Variants in ZNF292 observed in about 807,000 individuals in gnomAD.
The protein encoded by ZNF292 is zinc finger protein 292.
Under a neutral mutation model 217.9 loss-of-function variants are expected in ZNF292, and 26 were observed. The observed-to-expected ratio is 0.12, with a 90% CI of 0.09 to 0.17. The LOEUF is 0.17. Among genes scored for constraint, ZNF292 ranks in the 10% least tolerant of loss-of-function variants. The pLI is 1.00. For synonymous variants in ZNF292, 1,257 were observed against 1,124.1 expected (o/e 1.12, Z -2.37); for missense variants, 2,904 against 3,175.2 (o/e 0.91, Z 2.05).
intron 4 of ZNF292, among the ~76,000 whole-genome samples, chr6:87,226,868 CG>C (rs1460969245): frequency 6.6e-6 from 1 of 151,544 alleles, no homozygotes; most frequent in Admixed American, 6.6e-5. Flanking sequence ...TTAGTGGAGA[CG>C]GGGTTTCACT....
chr6:87,260,642 A>T lies in ZNF292; in HGVS notation c.7013A>T (p.Lys2338Ile), dbSNP rs749373455. The change falls in exon 8 of 8, where the codon AAA (lysine) becomes ATA (isoleucine). Residue 2338 changes from lysine to isoleucine, a missense_variant. By Grantham distance (102) the Lys-to-Ile change is moderately radical. Around this residue, in one of 15 missense-constraint regions of ZNF292, gnomAD observed 101 missense variants for 89.5 expected, o/e 1.13. Coordinates refer to ENST00000369577, the MANE Select transcript of ZNF292 (RefSeq NM_015021.3). ...ATGCCCAAGACCAAACGAAAGAAAA[A>T]AAATAATTTAGAAAACAAGAATGCA... Reference protein sequence around the residue: ...IKMPKTKRKKKNNLENKNAKI... With the variant: ...IKMPKTKRKKINNLENKNAKI... 2 of 1,612,560 alleles carry T rather than the reference A, an allele frequency of 1.2e-6. No individual in the cohort carries two copies. The highest frequency in any genetic ancestry group is 1.7e-6 in the Non-Finnish European group (2 of 1,179,472).
chr6:87,230,547 C>T (rs959539218), intron 4 of ZNF292, among the ~76,000 whole-genome samples: 11 of 152,130 alleles, frequency 7.2e-5, no homozygotes, highest in Admixed American at 7.2e-4. Flanking sequence ...TCCTGGCGAA[C>T]ACGGTGAAAC....
chr6:87,252,470 T>A (rs181301593), intron 7 of ZNF292, among the ~76,000 whole-genome samples: 1 of 152,310 alleles, frequency 6.6e-6, no homozygotes, highest in East Asian at 1.9e-4. Context: ...AATCCTTTTT[T>A]AAAATTTCTC....
At chr6:87,230,544 G>A (rs1033905802) in intron 4 of ZNF292, among the ~76,000 whole-genome samples, 34 of 151,860 alleles carry the variant, frequency 2.2e-4, no homozygotes, top group African/African-American at 7.3e-4. Context: ...CCATCCTGGC[G>A]AACACGGTGA....
At chr6:87,162,893 A>G (rs959221008) in intron 1 of ZNF292, among the ~76,000 whole-genome samples, 1 of 152,214 alleles carries the variant, frequency 6.6e-6, no homozygotes, top group Non-Finnish European at 1.5e-5. Flanking sequence ...AAATTAACCA[A>G]TCAGTGTGAG....
intron 4 of ZNF292, among the ~76,000 whole-genome samples, chr6:87,220,771 A>G (rs1164747901): frequency 1.3e-5 from 2 of 152,174 alleles, no homozygotes; most frequent in East Asian, 3.9e-4. Context: ...GTGCTGCTTT[A>G]TTTCTTGACC....
At chr6:87,208,722 G>A (rs1244226854) in intron 1 of ZNF292, among the ~76,000 whole-genome samples, 1 of 152,056 alleles carries the variant, frequency 6.6e-6, no homozygotes, top group African/African-American at 2.4e-5. Context: ...CCAAGTTCAT[G>A]TATGACATTT....
intron 4 of ZNF292, among the ~76,000 whole-genome samples, chr6:87,229,985 G>A (rs1026937683): frequency 2.4e-4 from 36 of 152,240 alleles, no homozygotes; most frequent in African/African-American, 8.2e-4. Flanking sequence ...GGTTGGGGGA[G>A]CAATATGGAA....
At chr6:87,203,581 A>G (rs1044243803) in intron 1 of ZNF292, among the ~76,000 whole-genome samples, 1 of 150,660 alleles carries the variant, frequency 6.6e-6, no homozygotes, top group African/African-American at 2.5e-5. Context: ...GGGTCAAAGC[A>G]AGGTATGTAT....
At chr6:87,222,802 C>T (rs1029703754) in intron 4 of ZNF292, 9 of 453,400 alleles carry the variant, frequency 2.0e-5, no homozygotes, top group East Asian at 6.9e-5. Flanking sequence ...TACATTTAGT[C>T]GTCATGTCTT....
chr6:87,190,764 A>G (rs1771799487), intron 1 of ZNF292, among the ~76,000 whole-genome samples: 1 of 152,162 alleles, frequency 6.6e-6, no homozygotes, highest in Admixed American at 6.5e-5. Flanking sequence ...GACTGGAGAA[A>G]AATTTCTCCA....
intron 1 of ZNF292, among the ~76,000 whole-genome samples, chr6:87,214,342 C>T (rs1772634982): frequency 1.3e-5 from 2 of 152,056 alleles, no homozygotes; most frequent in South Asian, 2.1e-4. Flanking sequence ...ATAGCTTTAC[C>T]TTTGGGTTTC....
At chr6:87,215,305 T>C (rs896736622) in intron 1 of ZNF292, among the ~76,000 whole-genome samples, 2 of 152,148 alleles carry the variant, frequency 1.3e-5, no homozygotes, top group African/African-American at 4.8e-5. Context: ...AAAAAAACAC[T>C]ATTACAAAAA....
chr6:87,250,048 A>AAAAT (rs1774835157), intron 7 of ZNF292, among the ~76,000 whole-genome samples: 1 of 149,618 alleles, frequency 6.7e-6, no homozygotes, highest in East Asian at 2.0e-4. Context: ...AAAAAAAAAA[A>AAAAT]CTCCAGGAAT....
At chr6:87,205,041 T>C (rs774663577) in intron 1 of ZNF292, among the ~76,000 whole-genome samples, 1 of 152,138 alleles carries the variant, frequency 6.6e-6, no homozygotes, top group African/African-American at 2.4e-5. Flanking sequence ...AGATTATCTG[T>C]TTCCTAAAGA....
chr6:87,227,440 TAA>T (rs57780770), intron 4 of ZNF292, among the ~76,000 whole-genome samples: 1 of 151,238 alleles, frequency 6.6e-6, no homozygotes, highest in African/African-American at 2.4e-5. Flanking sequence ...TTAATTGTGG[TAA>T]AAAAAAACCA....
intron 1 of ZNF292, among the ~76,000 whole-genome samples, chr6:87,187,512 A>G (rs933688099): frequency 1.3e-5 from 2 of 151,974 alleles, no homozygotes; most frequent in Non-Finnish European, 2.9e-5. Flanking sequence ...TGAGGTCAGG[A>G]GTTTGAGACC....
At chr6:87,203,410 T>A (rs1314874904) in intron 1 of ZNF292, among the ~76,000 whole-genome samples, 1 of 152,114 alleles carries the variant, frequency 6.6e-6, no homozygotes, top group Non-Finnish European at 1.5e-5. Context: ...ACCAAAGTGC[T>A]GGGATTACAA....
At chr6:87,170,883 T>G (rs993032548) in intron 1 of ZNF292, among the ~76,000 whole-genome samples, 2 of 152,218 alleles carry the variant, frequency 1.3e-5, no homozygotes, top group Admixed American at 6.5e-5. Context: ...CTTTTATGGT[T>G]GTTATTAGAA....
Sources: allele counts gnomAD v4.1 joint callset (sites outside exome capture counted in the v4.1 genomes callset), GRCh38; gene constraint gnomAD v4.1.1; regional missense constraint gnomAD v4.1.1; transcripts MANE v1.5; gene names NCBI Gene and HGNC (gene_info 2026-07-23, HGNC 2026-07-21).